ANK2: variants seen among roughly 807,000 people sequenced by gnomAD.
The protein encoded by ANK2 is ankyrin-2.
Under a neutral mutation model 360.5 loss-of-function variants are expected in ANK2, and 83 were observed. The ratio of observed to expected loss-of-function variants is 0.23; its 90% CI spans 0.19 to 0.28. The LOEUF is 0.28. Among genes scored for constraint, ANK2 ranks in the 10% least tolerant of loss-of-function variants. The pLI is 1.00. For missense variants in ANK2, 4,201 were observed against 4,795.7 expected, an observed-to-expected ratio of 0.88 and a Z score of 3.66; for synonymous variants, 1,740 against 1,759.5, an observed-to-expected ratio of 0.99 and a Z score of 0.28.
chr4:113,360,722 A>T, intron 38 of ANK2, 101 bp from the exon 39 acceptor site: 3 of 1,063,040 alleles, frequency 2.8e-6, no homozygotes, highest in Non-Finnish European at 4.3e-6. Context: ...TGTGCTTTCA[A>T]ATATTTGGAG....
rs1586091492 is a variant in ANK2, at chr4:113,249,837, G to C, written c.965G>C (p.Gly322Ala). 6.2e-7 allele frequency: 1 copy of C among 1,614,146 alleles called. No homozygotes were observed. The highest frequency in any genetic ancestry group is 8.5e-7 in the Non-Finnish European group (1 of 1,180,034). ...DQVVELLLERGAPLLARTKNG... is the reference protein window; with the variant it reads ...DQVVELLLERAAPLLARTKNG... The stretch of plus-strand genomic sequence containing the variant: ...GTGGTGGAACTTCTGTTGGAACGGG[G>C]TGCCCCCTTGCTGGCAAGGACTAAG... Residue 322 changes from glycine to alanine, a missense_variant, in exon 10 of 46, where the codon GGT (glycine) becomes GCT (alanine). By Grantham distance (60) the Gly-to-Ala change is moderately conservative. This residue lies in a region of ANK2 where 122 missense variants were observed against 239.3 expected (regional missense o/e 0.51). Transcript: ENST00000357077.
chr4:113,076,417 A>G (rs996787405), intron 1 of ANK2, among the ~76,000 whole-genome samples: 1 of 152,236 alleles, frequency 6.6e-6, no homozygotes, highest in Non-Finnish European at 1.5e-5. Flanking sequence ...TAAGCTTAGT[A>G]AACCATAGAT....
At chr4:113,127,634 C>T (rs760016803) in intron 1 of ANK2, among the ~76,000 whole-genome samples, 1 of 151,936 alleles carries the variant, frequency 6.6e-6, no homozygotes, top group Non-Finnish European at 1.5e-5. Context: ...AGAGGTTGAA[C>T]ATAGAAGCTG....
intron 2 of ANK2, among the ~76,000 whole-genome samples, chr4:112,986,516 G>A (rs970251460): frequency 6.6e-6 from 1 of 152,162 alleles, no homozygotes; most frequent in Non-Finnish European, 1.5e-5. Flanking sequence ...CATGGGAGAA[G>A]GAGGATAGGC....
chr4:112,760,682 T>C, the ANK2 span, among the ~76,000 whole-genome samples: 7 of 152,154 alleles, frequency 4.6e-5, no homozygotes, highest in Non-Finnish European at 1.0e-4. Context: ...CCTAATGCTA[T>C]CCCTCGCCCC....
At chr4:113,112,281 G>C (rs947951748) in intron 1 of ANK2, among the ~76,000 whole-genome samples, 1 of 152,002 alleles carries the variant, frequency 6.6e-6, no homozygotes, top group African/African-American at 2.4e-5. Context: ...CTAGTGAGGG[G>C]ATTTTTTCAT....
intron 1 of ANK2, among the ~76,000 whole-genome samples, chr4:113,146,788 T>A (rs530030766): frequency 1.7e-4 from 26 of 152,310 alleles, no homozygotes; most frequent in African/African-American, 4.8e-4. Flanking sequence ...TATTGCAAGT[T>A]ATTTATTTGC....
intron 9 of ANK2, among the ~76,000 whole-genome samples, 191 bp from the exon 10 acceptor site, chr4:113,249,573 C>T (rs531854697): frequency 5.4e-4 from 82 of 152,312 alleles, no homozygotes; most frequent in African/African-American, 1.8e-3. Flanking sequence ...TTCTTGTTCT[C>T]TGTGAAGATG....
At chr4:113,024,603 A>G (rs2058853427) in intron 2 of ANK2, among the ~76,000 whole-genome samples, 1 of 152,206 alleles carries the variant, frequency 6.6e-6, no homozygotes, top group African/African-American at 2.4e-5. Context: ...ATAATTGCAA[A>G]GTACTTAAGG....
chr4:112,769,245 A>G, the ANK2 span, among the ~76,000 whole-genome samples: 4 of 152,174 alleles, frequency 2.6e-5, no homozygotes, highest in African/African-American at 7.2e-5. Context: ...TGATCATAGA[A>G]AACTAAAAGA....
At chr4:113,345,295 A>T (rs2094717578) in intron 34 of ANK2, among the ~76,000 whole-genome samples, 1 of 152,142 alleles carries the variant, frequency 6.6e-6, no homozygotes. Flanking sequence ...GCAAGAGGGC[A>T]ATGGGGAGCT....
At chr4:113,065,622 A>G (rs2075288421) in intron 1 of ANK2, among the ~76,000 whole-genome samples, 1 of 152,184 alleles carries the variant, frequency 6.6e-6, no homozygotes, top group Admixed American at 6.5e-5. Flanking sequence ...TGTTTCTTAC[A>G]GGTCATCTGA....
intron 2 of ANK2, among the ~76,000 whole-genome samples, chr4:113,014,721 T>A (rs907560556): frequency 9.2e-5 from 14 of 152,098 alleles, no homozygotes; most frequent in African/African-American, 3.4e-4. Flanking sequence ...ATTGTAAAGA[T>A]AGTGAGAAAG....
the ANK2 span, among the ~76,000 whole-genome samples, chr4:112,803,584 A>C: frequency 6.6e-6 from 1 of 152,198 alleles, no homozygotes; most frequent in Non-Finnish European, 1.5e-5. Flanking sequence ...AATCCTGTCG[A>C]CATCTTGATC....
At chr4:112,915,750 G>A (rs2089533890) in intron 2 of ANK2, among the ~76,000 whole-genome samples, 1 of 142,554 alleles carries the variant, frequency 7.0e-6, no homozygotes, top group African/African-American at 2.8e-5. Context: ...GTGAGACTCT[G>A]TTTCAAAAAA....
At chr4:113,317,851 C>A (rs2153836659) in intron 25 of ANK2, 42 bp downstream of exon 25, 1 of 1,500,480 alleles carries the variant, frequency 6.7e-7, no homozygotes, top group Non-Finnish European at 9.3e-7. Flanking sequence ...TTCTGGAGAG[C>A]TTTGTAACAT....
At chr4:112,737,476 T>C in the ANK2 span, among the ~76,000 whole-genome samples, 1 of 152,236 alleles carries the variant, frequency 6.6e-6, no homozygotes, top group Non-Finnish European at 1.5e-5. Flanking sequence ...TGTTCAGGGC[T>C]TTAAAACAGT....
rs1409096916 is a variant in ANK2 at position 112,823,216 on chromosome 4, G to T, written c.-40+4952G>T. ...CTGATTATATCCTGGATATGCAATAGTCAGTTTCTACTGGTTGAGTGAGGG... is the reference window on the plus strand; with the variant it reads ...CTGATTATATCCTGGATATGCAATATTCAGTTTCTACTGGTTGAGTGAGGG... On this transcript the variant is annotated intron_variant, in intron 1 of 30. Coordinates refer to the ANK2 transcript ENST00000503271. 2.6e-5 allele frequency among the ~76,000 whole-genome samples: 4 copies of T among 152,182 alleles called. No individual in the cohort carries two copies. The East Asian group carries it at 7.7e-4, about 29-fold the overall frequency.
Position 113,367,520 on chromosome 4 carries a change from A to G in ANK2, c.11033-46A>G, listed in dbSNP as rs1377564794. On this transcript the variant is annotated intron_variant, in intron 41 of 45. Transcript: ENST00000357077. Reference sequence around the variant, plus strand: ...TTTATTACTTAATAAATATCCATTCAATATAGGTAAGCTTCAACTAAATAC... The same window carrying G: ...TTTATTACTTAATAAATATCCATTCGATATAGGTAAGCTTCAACTAAATAC... 10 of 1,567,550 alleles carry G rather than the reference A, an allele frequency of 6.4e-6. No individual in the cohort carries two copies. In the Admixed American group the frequency reaches 8.4e-5, roughly 13 times the overall value.
Sources: allele counts gnomAD v4.1 joint callset (sites outside exome capture counted in the v4.1 genomes callset), GRCh38; gene constraint gnomAD v4.1.1; regional missense constraint gnomAD v4.1.1; transcripts MANE v1.5; gene names NCBI Gene and HGNC (gene_info 2026-07-23, HGNC 2026-07-21).